ADAM22: variants seen among roughly 807,000 people sequenced by gnomAD.
The protein encoded by ADAM22 is ADAM metallopeptidase domain 22, also known as disintegrin and metalloproteinase domain-containing protein 22.
Under a neutral mutation model 144.6 loss-of-function variants are expected in ADAM22, and 65 were observed. The ratio of observed to expected loss-of-function variants is 0.45; its 90% CI spans 0.37 to 0.55. The LOEUF (loss-of-function observed/expected upper bound fraction) is 0.55. Ranked by LOEUF, ADAM22 falls within the 20% of genes least tolerant of loss-of-function variation. The pLI is 0.00. For synonymous variants in ADAM22, 391 were observed against 412.6 expected (o/e 0.95, Z 0.63); for missense variants, 974 against 1,184.9 (o/e 0.82, Z 2.61).
chr7:88,014,479 A>C (rs529717735), intron 3 of ADAM22, among the ~76,000 whole-genome samples: 1 of 152,298 alleles, frequency 6.6e-6, no homozygotes, highest in Non-Finnish European at 1.5e-5. Context: ...GAAGTGGCTC[A>C]TACCTGTAAT....
At position 88,123,017 on chromosome 7, in the gene ADAM22, A is replaced by G. The variant is rs114533798; in HGVS notation, c.608-2572A>G. On this transcript the variant is annotated intron_variant, in intron 7 of 31. Coordinates refer to ENST00000413139, the MANE Select transcript of ADAM22 (RefSeq NM_001324418.2). Reference sequence around the variant, plus strand: ...TTTTGTCAAATGCTTTTCTATGTCTATTACGGGATCATATAATTTTCTCCT... The same window carrying G: ...TTTTGTCAAATGCTTTTCTATGTCTGTTACGGGATCATATAATTTTCTCCT... Among the ~76,000 whole-genome samples, 476 of 152,306 alleles carry G rather than the reference A, an allele frequency of 3.1e-3. 1 individual carries two copies. Among genetic ancestry groups the G allele is most frequent in the African/African-American group, 0.011 (454 of 41,568 alleles).
intron 28 of ADAM22, 28 bp from the exon 29 acceptor site, chr7:88,181,930 A>T (rs1428562740): frequency 6.2e-7 from 1 of 1,602,330 alleles, no homozygotes; most frequent in Admixed American, 1.7e-5. Flanking sequence ...ATTTACATGG[A>T]AATCTAGCTC....
intron 2 of ADAM22, among the ~76,000 whole-genome samples, chr7:87,952,055 G>T (rs989547830): frequency 6.6e-5 from 10 of 150,506 alleles, no homozygotes; most frequent in Middle Eastern, 3.5e-3. Context: ...AGACAATGGG[G>T]TTTTCTAGAT....
chr7:87,950,611 G>C (rs575375758), intron 2 of ADAM22, among the ~76,000 whole-genome samples: 83 of 149,824 alleles, frequency 5.5e-4, no homozygotes, highest in African/African-American at 2.0e-3. Flanking sequence ...GTGTGCATGT[G>C]TCTTTATAGC....
Position 88,135,263 on chromosome 7 carries a change from G to A in ADAM22, c.1169-717G>A, listed in dbSNP as rs972701277. ...ATTGCACTTCAGCCTGGGCCACAGA[G>A]CGAGACTCCATCTCAAAAAAAAAAA... On this transcript the variant is annotated intron_variant, in intron 13 of 31. Transcript: ENST00000413139. Among the ~76,000 whole-genome samples, 4 of 117,964 alleles carry A rather than the reference G, an allele frequency of 3.4e-5. No individual in the cohort carries two copies. The Admixed American group carries it at 3.5e-4, about 10-fold the overall frequency. 77.4% of individuals were successfully genotyped at this position (117,964 alleles called of 152,430 possible).
chr7:88,065,986 T>C (rs565101545), intron 3 of ADAM22, among the ~76,000 whole-genome samples: 50 of 152,182 alleles, frequency 3.3e-4, no homozygotes, highest in Non-Finnish European at 5.4e-4. Flanking sequence ...TAGAGTTATT[T>C]TTCTTCATTA....
intron 3 of ADAM22, among the ~76,000 whole-genome samples, chr7:87,992,584 A>G (rs1341819541): frequency 6.6e-6 from 1 of 152,212 alleles, no homozygotes; most frequent in Non-Finnish European, 1.5e-5. Context: ...TTGATTATCA[A>G]AATAATTCCT....
At chr7:88,102,530 T>C (rs1232909685) in intron 4 of ADAM22, among the ~76,000 whole-genome samples, 5 of 152,152 alleles carry the variant, frequency 3.3e-5, no homozygotes, top group African/African-American at 1.2e-4. Context: ...GTCATGGGCA[T>C]TGGAATTTAA....
intron 31 of ADAM22, 45 bp downstream of exon 31, chr7:88,193,284 C>G: frequency 6.3e-7 from 1 of 1,595,104 alleles, no homozygotes; most frequent in Non-Finnish European, 8.6e-7. Context: ...CAGTCATTAT[C>G]ATTTATCTAT....
At chr7:87,974,475 G>A (rs1234924344) in intron 2 of ADAM22, among the ~76,000 whole-genome samples, 2 of 152,148 alleles carry the variant, frequency 1.3e-5, no homozygotes, top group Admixed American at 6.5e-5. Flanking sequence ...CTGCAAGTTT[G>A]GTTTGGGTGA....
intron 3 of ADAM22, among the ~76,000 whole-genome samples, chr7:88,066,260 T>G (rs1041544595): frequency 6.6e-6 from 1 of 152,126 alleles, no homozygotes; most frequent in African/African-American, 2.4e-5. Context: ...GCAATGGAAA[T>G]GTTCATATTC....
intron 3 of ADAM22, among the ~76,000 whole-genome samples, chr7:88,055,867 T>C (rs1808121042): frequency 6.6e-6 from 1 of 152,230 alleles, no homozygotes; most frequent in African/African-American, 2.4e-5. Flanking sequence ...TTTGGCTATC[T>C]CTCCTTGAAC....
At chr7:88,008,511 C>G (rs1420993022) in intron 3 of ADAM22, among the ~76,000 whole-genome samples, 1 of 152,070 alleles carries the variant, frequency 6.6e-6, no homozygotes, top group Non-Finnish European at 1.5e-5. Context: ...AAATGTCCAA[C>G]AATGATAGAC....
At chr7:88,086,025 A>C (rs1818364451) in intron 4 of ADAM22, among the ~76,000 whole-genome samples, 1 of 152,002 alleles carries the variant, frequency 6.6e-6, no homozygotes, top group Non-Finnish European at 1.5e-5. Context: ...AAATACAAAA[A>C]ATTAGCTGGG....
chr7:88,188,485 G>C (rs1352306240), intron 30 of ADAM22, among the ~76,000 whole-genome samples: 3 of 152,216 alleles, frequency 2.0e-5, no homozygotes, highest in Admixed American at 1.3e-4. Context: ...GGTTCCTACA[G>C]TAGATAGTGA....
At chr7:88,008,851 C>G (rs1053878484) in intron 3 of ADAM22, among the ~76,000 whole-genome samples, 4 of 150,560 alleles carry the variant, frequency 2.7e-5, no homozygotes, top group Admixed American at 2.0e-4. Flanking sequence ...ACATATGTAA[C>G]TAACCTGCAC....
At chr7:88,093,705 C>A (rs1355984191) in intron 4 of ADAM22, among the ~76,000 whole-genome samples, 2 of 151,998 alleles carry the variant, frequency 1.3e-5, no homozygotes, top group East Asian at 1.9e-4. Context: ...TGTCATCATG[C>A]CCGGCTAATT....
At chr7:88,130,536 CT>C in intron 10 of ADAM22, 77 bp downstream of exon 10, 1 of 1,435,588 alleles carries the variant, frequency 7.0e-7, no homozygotes, top group Non-Finnish European at 9.7e-7. Flanking sequence ...TAATATGATT[CT>C]TATAGTTTTA....
chr7:88,007,053 G>T (rs1361327847), intron 3 of ADAM22, among the ~76,000 whole-genome samples: 1 of 152,142 alleles, frequency 6.6e-6, no homozygotes, highest in Non-Finnish European at 1.5e-5. Context: ...CTTCAGCAAA[G>T]TCTCAGTATA....
Sources: gnomAD v4.1 joint callset for allele counts (sites outside exome capture counted in the v4.1 genomes callset) on GRCh38, gnomAD v4.1.1 for gene constraint, MANE v1.5 for transcripts, NCBI Gene and HGNC (gene_info 2026-07-23, HGNC 2026-07-21) for gene names.